PLBD1: variants seen among roughly 807,000 people sequenced by gnomAD.
The protein encoded by PLBD1 is phospholipase B domain containing 1, also known as lysosomal leucine aminopeptidase.
In PLBD1, 60 loss-of-function variants were observed where a neutral mutation model predicts 63.0. The observed-to-expected ratio is 0.95, with a 90% confidence interval of 0.77 to 1.18. The LOEUF is 1.18. Among genes scored for constraint, PLBD1 ranks in the 50% most tolerant of loss-of-function variants. The pLI is 0.00. For missense variants in PLBD1, 598 were observed against 677.9 expected, an observed-to-expected ratio of 0.88 and a Z score of 1.31; for synonymous variants, 262 against 248.0, an observed-to-expected ratio of 1.06 and a Z score of -0.53.
chr12:14,549,213 C>A (rs780977817), intron 2 of PLBD1, among the ~76,000 whole-genome samples: 1 of 152,188 alleles, frequency 6.6e-6, no homozygotes, highest in Non-Finnish European at 1.5e-5. Context: ...AATTAAGTAA[C>A]GGCTGGGAGC....
At chr12:14,538,221 T>C (rs1945535573) in intron 4 of PLBD1, among the ~76,000 whole-genome samples, 2 of 152,072 alleles carry the variant, frequency 1.3e-5, no homozygotes, top group Admixed American at 1.3e-4. Context: ...GAGACAGAGT[T>C]TCACTCTAGT....
intron 2 of PLBD1, among the ~76,000 whole-genome samples, chr12:14,550,556 G>A (rs893484711): frequency 2.0e-5 from 3 of 152,094 alleles, no homozygotes; most frequent in Non-Finnish European, 4.4e-5. Context: ...ACCAGCCTGG[G>A]AAACATAGTG....
intron 6 of PLBD1, among the ~76,000 whole-genome samples, chr12:14,514,642 A>C (rs1238132557): frequency 6.6e-6 from 1 of 152,244 alleles, no homozygotes; most frequent in Non-Finnish European, 1.5e-5. Context: ...TTAGAGTTTA[A>C]GATAATAAAG....
At chr12:14,518,600 C>T (rs138162336) in intron 6 of PLBD1, among the ~76,000 whole-genome samples, 5 of 152,240 alleles carry the variant, frequency 3.3e-5, no homozygotes, top group African/African-American at 9.6e-5. Context: ...TTTTATTGCC[C>T]GTCTTTCTTT....
At chr12:14,505,760 T>C (rs1002761454) in intron 10 of PLBD1, among the ~76,000 whole-genome samples, 1 of 152,244 alleles carries the variant, frequency 6.6e-6, no homozygotes, top group African/African-American at 2.4e-5. Flanking sequence ...GCTTGAATAA[T>C]ATGTTCTTTG....
rs1286746150 is a variant in PLBD1, at chr12:14,536,696, GA to G, written c.572del (p.Phe191SerfsTer6). The G allele has an allele frequency of 1.2e-6, 2 of 1,614,098 alleles. No individual in the cohort carries two copies. Among genetic ancestry groups the G allele is most frequent in the South Asian group, 2.2e-5 (2 of 91,072 alleles). ...ILEGTKPMTL[F>X]QIQFLNSVGD... Reference sequence around the variant, plus strand: ...CAACACTATTCAGGAACTGAATCTGGAACAGGGTCATTGGCTAGGAAAGGAC... The same window carrying G: ...CAACACTATTCAGGAACTGAATCTGGACAGGGTCATTGGCTAGGAAAGGAC... On this transcript the variant is annotated frameshift_variant, in exon 5 of 11. Transcript: ENST00000240617. LOFTEE classifies it high-confidence loss of function.
Position 14,511,611 on chromosome 12 carries a change from T to C in PLBD1, c.945A>G (p.Val315=), listed in dbSNP as rs747776371. The C allele has an allele frequency of 2.2e-5, 36 of 1,614,206 alleles. No homozygotes were observed. The highest frequency in any genetic ancestry group is 3.1e-5 in the Non-Finnish European group (36 of 1,180,026). The change falls in exon 7 of 11, where the codon GTA becomes GTG. Residue 315 remains valine (V), a synonymous_variant. Transcript: ENST00000240617. ...SVFNKTLLKQ[V]IPETLLSWQR... The stretch of plus-strand genomic sequence containing the variant: ...GCCAGGACAGGAGAGTCTCGGGTAT[T>C]ACCTGCTTTAGCAGGGTTTTATTAA...
chr12:14,544,718 A>C (rs1215760220), intron 2 of PLBD1, among the ~76,000 whole-genome samples: 1 of 152,036 alleles, frequency 6.6e-6, no homozygotes, highest in African/African-American at 2.4e-5. Flanking sequence ...TATCTAGTCT[A>C]GGGTTTGTCT....
At chr12:14,566,876 GC>G (rs1945790172) in intron 1 of PLBD1, among the ~76,000 whole-genome samples, 1 of 151,264 alleles carries the variant, frequency 6.6e-6, no homozygotes, top group Non-Finnish European at 1.5e-5. Context: ...CAGGCGGATC[GC>G]CCGAGTCAGG....
At chr12:14,518,832 G>A (rs915500877) in intron 6 of PLBD1, among the ~76,000 whole-genome samples, 7 of 152,060 alleles carry the variant, frequency 4.6e-5, no homozygotes, top group Admixed American at 1.3e-4. Context: ...GAAGCTCAAA[G>A]GAGAGATAAC....
At chr12:14,551,391 A>G (rs1040649015) in intron 2 of PLBD1, among the ~76,000 whole-genome samples, 2 of 152,196 alleles carry the variant, frequency 1.3e-5, no homozygotes, top group Non-Finnish European at 2.9e-5. Flanking sequence ...ACTCTAATAC[A>G]GAAGTATTTT....
At chr12:14,566,892 C>A (rs1475711573) in intron 1 of PLBD1, among the ~76,000 whole-genome samples, 5 of 151,836 alleles carry the variant, frequency 3.3e-5, no homozygotes, top group Non-Finnish European at 7.4e-5. Flanking sequence ...GTCAGGCGTT[C>A]GAGACCAGCC....
At chr12:14,516,662 G>A (rs1945339339) in intron 6 of PLBD1, among the ~76,000 whole-genome samples, 1 of 152,234 alleles carries the variant, frequency 6.6e-6, no homozygotes, top group Middle Eastern at 3.4e-3. Flanking sequence ...CACACTAAAT[G>A]CATCCCAGAA....
intron 10 of PLBD1, among the ~76,000 whole-genome samples, chr12:14,504,896 A>G (rs955111245): frequency 1.3e-5 from 2 of 152,216 alleles, no homozygotes; most frequent in Non-Finnish European, 2.9e-5. Flanking sequence ...GATAAGAACA[A>G]TTGCAGGCCT....
chr12:14,541,794 A>G (rs1362194151), intron 3 of PLBD1, among the ~76,000 whole-genome samples: 1 of 152,236 alleles, frequency 6.6e-6, no homozygotes, highest in Non-Finnish European at 1.5e-5. Context: ...GTTAAGAGTT[A>G]TAACTTTAGA....
In PLBD1 at chr12:14,553,275, T is replaced by C; in HGVS notation, c.253A>G (p.Arg85Gly). The change falls in exon 2 of 11, where the codon AGA becomes GGA. Residue 85 changes from arginine to glycine, a missense_variant. Coordinates refer to ENST00000240617, the MANE Select transcript of PLBD1 (RefSeq NM_024829.6). ...AGGGTTTGAGAGCCATAGCCAGCTC[T>C]GATCTCCAGGATGCCCCAGCCTGTG... The part of the protein sequence containing the change: ...KTTGWGILEI[R>G]AGYGSQTLSN... The C allele has an allele frequency of 2.5e-6, 4 of 1,614,222 alleles. No individual in the cohort carries two copies. Among genetic ancestry groups the C allele is most frequent in the Non-Finnish European group, 3.4e-6 (4 of 1,180,040 alleles).
intron 6 of PLBD1, among the ~76,000 whole-genome samples, chr12:14,522,249 T>C (rs1164879887): frequency 6.6e-6 from 1 of 151,962 alleles, no homozygotes; most frequent in Non-Finnish European, 1.5e-5. Context: ...CCAACAAATA[T>C]GAAAACTTAG....
intron 4 of PLBD1, among the ~76,000 whole-genome samples, chr12:14,538,468 G>T (rs1945538351): frequency 1.3e-5 from 2 of 152,060 alleles, no homozygotes; most frequent in Admixed American, 1.3e-4. Flanking sequence ...TGCTGGGATT[G>T]CAGGTGTCAG....
At chr12:14,512,266 A>G (rs549034128) in intron 6 of PLBD1, among the ~76,000 whole-genome samples, 2 of 151,802 alleles carry the variant, frequency 1.3e-5, no homozygotes, top group African/African-American at 4.8e-5. Flanking sequence ...CTTGTGCCTC[A>G]GCCTCCTGAG....
Sources: allele counts gnomAD v4.1 joint callset (sites outside exome capture counted in the v4.1 genomes callset), GRCh38; gene constraint gnomAD v4.1.1; transcripts MANE v1.5; gene names NCBI Gene and HGNC (gene_info 2026-07-23, HGNC 2026-07-21).